EFCAB8: variants seen among roughly 807,000 people sequenced by gnomAD.
The protein encoded by EFCAB8 is EF-hand calcium-binding domain-containing protein 8.
Under a neutral mutation model 116.3 loss-of-function variants are expected in EFCAB8, and 100 were observed. The ratio of observed to expected loss-of-function variants is 0.86; its 90% CI spans 0.73 to 1.02. The LOEUF (loss-of-function observed/expected upper bound fraction) is 1.02. Ranked by LOEUF, EFCAB8 falls within the 50% of genes least tolerant of loss-of-function variation. EFCAB8 has a pLI of 0.00. For missense variants in EFCAB8, 1,320 were observed against 1,416.9 expected, an observed-to-expected ratio of 0.93 and a Z score of 1.10; for synonymous variants, 558 against 567.9, an observed-to-expected ratio of 0.98 and a Z score of 0.25.
At chr20:32,882,991 G>A (rs1985419551) in intron 5 of EFCAB8, among the ~76,000 whole-genome samples, 2 of 152,092 alleles carry the variant, frequency 1.3e-5, no homozygotes, top group Non-Finnish European at 2.9e-5. Context: ...CACCGCGCCT[G>A]GCCTAGTTTT....
At chr20:32,943,517 G>A (rs904883059) in intron 22 of EFCAB8, 119 bp from the exon 23 acceptor site, 2 of 414,736 alleles carry the variant, frequency 4.8e-6, no homozygotes, top group Non-Finnish European at 8.9e-6. Flanking sequence ...GAACTAGAAC[G>A]CTAGCCTGTG....
chr20:32,955,080 C>A (rs943684757), intron 23 of EFCAB8, among the ~76,000 whole-genome samples: 1 of 152,110 alleles, frequency 6.6e-6, no homozygotes, highest in African/African-American at 2.4e-5. Context: ...TTGGTTTTAC[C>A]TAAAAAAATG....
At chr20:32,898,451 G>T (rs1406397862) in intron 10 of EFCAB8, 42 bp from the exon 11 acceptor site, 2 of 706,102 alleles carry the variant, frequency 2.8e-6, no homozygotes, top group Non-Finnish European at 5.3e-6. Context: ...CTAGAAAGTT[G>T]TCCTTGGGTG....
intron 10 of EFCAB8, among the ~76,000 whole-genome samples, chr20:32,896,928 C>T (rs1986189421): frequency 6.6e-6 from 1 of 152,210 alleles, no homozygotes; most frequent in African/African-American, 2.4e-5. Context: ...CAAGTCCTTA[C>T]CATGGCCGTC....
chr20:32,918,601 C>T (rs1331006957), intron 19 of EFCAB8, 27 bp downstream of exon 19: 8 of 1,546,784 alleles, frequency 5.2e-6, no homozygotes, highest in Middle Eastern at 3.5e-4. Context: ...AACCAGAAGG[C>T]TACCCTCACT....
At chr20:32,932,065 G>A (rs1568937827) in intron 22 of EFCAB8, among the ~76,000 whole-genome samples, 1 of 152,104 alleles carries the variant, frequency 6.6e-6, no homozygotes, top group Non-Finnish European at 1.5e-5. Flanking sequence ...TCATGCAGTT[G>A]TATTCAGTTT....
At chr20:32,923,534 G>A (rs1396502950) in intron 20 of EFCAB8, among the ~76,000 whole-genome samples, 1 of 152,016 alleles carries the variant, frequency 6.6e-6, no homozygotes, top group African/African-American at 2.4e-5. Flanking sequence ...AACTTTATAC[G>A]AGTGTATAAA....
chr20:32,899,069 G>C (rs1339975702), intron 11 of EFCAB8, among the ~76,000 whole-genome samples: 2 of 152,144 alleles, frequency 1.3e-5, no homozygotes, highest in Admixed American at 1.3e-4. Flanking sequence ...ACCCTAGAGT[G>C]AAGTTTTTTC....
At chr20:32,922,308 A>G (rs956017262) in intron 20 of EFCAB8, among the ~76,000 whole-genome samples, 2 of 152,288 alleles carry the variant, frequency 1.3e-5, no homozygotes, top group Admixed American at 1.3e-4. Context: ...TATTGAGAGG[A>G]CGGATTCTTG....
intron 24 of EFCAB8, among the ~76,000 whole-genome samples, chr20:32,959,423 A>G (rs1748975898): frequency 7.2e-5 from 11 of 152,208 alleles, no homozygotes; most frequent in Admixed American, 7.2e-4. Flanking sequence ...TCTTGACAGT[A>G]CAGTGGAGGG....
intron 6 of EFCAB8, among the ~76,000 whole-genome samples, chr20:32,886,801 G>A (rs1985655014): frequency 6.6e-6 from 1 of 152,208 alleles, no homozygotes; most frequent in South Asian, 2.1e-4. Context: ...TCCTGGAGGG[G>A]CCGCTTTGGC....
At chr20:32,946,365 A>T (rs1208890424) in intron 23 of EFCAB8, among the ~76,000 whole-genome samples, 1 of 152,200 alleles carries the variant, frequency 6.6e-6, no homozygotes, top group Admixed American at 6.5e-5. Context: ...GAGCACTATG[A>T]ATTTTCCTAC....
chr20:32,921,360 T>TG (rs1264602508), intron 20 of EFCAB8, among the ~76,000 whole-genome samples: 5 of 122,174 alleles, frequency 4.1e-5, no homozygotes, highest in African/African-American at 1.4e-4. Context: ...GCCCAGCTAT[T>TG]TTGTGTGTGT....
At chr20:32,865,117 A>G (rs1356450635) in intron 2 of EFCAB8, among the ~76,000 whole-genome samples, 7 of 152,314 alleles carry the variant, frequency 4.6e-5, no homozygotes, top group African/African-American at 1.7e-4. Flanking sequence ...CTTGCTGCCC[A>G]CATGTATGGA....
intron 22 of EFCAB8, among the ~76,000 whole-genome samples, chr20:32,937,670 G>T (rs147552740): frequency 6.6e-6 from 1 of 150,856 alleles, no homozygotes; most frequent in Non-Finnish European, 1.5e-5. Context: ...CCAGGCTGGA[G>T]TACAATGGTG....
At chr20:32,908,449 G>T (rs1047204211) in intron 14 of EFCAB8, 37 bp downstream of exon 14, 5 of 1,249,592 alleles carry the variant, frequency 4.0e-6, no homozygotes, top group Middle Eastern at 2.1e-4. Flanking sequence ...GGTCAAGGCC[G>T]CAGGTGGAGG....
At chr20:32,928,308 T>C (rs1987754718) in intron 20 of EFCAB8, among the ~76,000 whole-genome samples, 2 of 151,990 alleles carry the variant, frequency 1.3e-5, no homozygotes, top group Non-Finnish European at 1.5e-5. Flanking sequence ...CGATCTCGGC[T>C]CACTGCACCC....
At chr20:32,894,932 A>ACCC (rs1273842103) in intron 9 of EFCAB8, among the ~76,000 whole-genome samples, 1 of 151,824 alleles carries the variant, frequency 6.6e-6, no homozygotes, top group Non-Finnish European at 1.5e-5. Flanking sequence ...GCAACTTTCC[A>ACCC]CCCCTCCCTG....
intron 15 of EFCAB8, among the ~76,000 whole-genome samples, chr20:32,910,893 A>C (rs2146244360): frequency 6.6e-6 from 1 of 150,546 alleles, no homozygotes; most frequent in South Asian, 2.1e-4. Context: ...ATGCACCACC[A>C]CCCCCAGCTA....
Sources: gnomAD v4.1 joint callset for allele counts (sites outside exome capture counted in the v4.1 genomes callset) on GRCh38, gnomAD v4.1.1 for gene constraint, MANE v1.5 for transcripts, NCBI Gene and HGNC (gene_info 2026-07-23, HGNC 2026-07-21) for gene names.